Variants in AGPAT4 observed in about 807,000 individuals in gnomAD.
AGPAT4 encodes the protein 1-acyl-sn-glycerol-3-phosphate acyltransferase delta.
AGPAT4 carries 15 observed loss-of-function variants against 48.0 expected under a neutral mutation model. The ratio of observed to expected loss-of-function variants is 0.31; its 90% CI spans 0.21 to 0.48. The LOEUF (loss-of-function observed/expected upper bound fraction) is 0.48, where lower values mean the gene tolerates loss of function less well. Among genes scored for constraint, AGPAT4 ranks in the 20% least tolerant of loss-of-function variants. The pLI is 0.99. For synonymous variants in AGPAT4, 178 were observed against 198.7 expected (o/e 0.90, Z 0.88); for missense variants, 314 against 482.5 (o/e 0.65, Z 3.27).
rs1365329699 is a variant in AGPAT4 at position 161,149,246 on chromosome 6, T to TTCA, written c.705_707dup (p.Asn235_Glu236insAsp). 1 of 1,613,468 alleles carries TTCA rather than the reference T, an allele frequency of 6.2e-7. No individual in the cohort carries two copies. Among genetic ancestry groups the TTCA allele is most frequent in the Non-Finnish European group, 8.5e-7 (1 of 1,179,958 alleles). On this transcript the variant is annotated inframe_insertion, in exon 6 of 9. Transcript: ENST00000320285. This position sits in a 1 kb window ranked among gnomAD's most constrained non-coding sequence, Gnocchi z 6.5. Reference sequence around the variant, plus strand: ...TTAGGACTCCCAGCAGTGTTGGATTTTCATTATTTCTGAAATTGAGTGTAC... The same window carrying TTCA: ...TTAGGACTCCCAGCAGTGTTGGATTTTCATCATTATTTCTGAAATTGAGTGTAC...
intron 2 of AGPAT4, among the ~76,000 whole-genome samples, chr6:161,170,939 C>T (rs1780252278): frequency 6.6e-6 from 1 of 152,206 alleles, no homozygotes; most frequent in African/African-American, 2.4e-5. Context: ...TCGTTCTCTT[C>T]CCACAAGATT....
chr6:161,207,007 A>G (rs78879757), intron 2 of AGPAT4, among the ~76,000 whole-genome samples: 86 of 152,316 alleles, frequency 5.6e-4, no homozygotes, highest in African/African-American at 2.0e-3. Context: ...TAGTCCTTTC[A>G]GTTATCTAAT....
chr6:161,173,582 C>A (rs979473390), intron 2 of AGPAT4, among the ~76,000 whole-genome samples: 7 of 152,148 alleles, frequency 4.6e-5, no homozygotes, highest in Non-Finnish European at 7.3e-5. Flanking sequence ...ATTTTTCTCC[C>A]ATTCTGTAGG....
rs1305806534 is a variant in AGPAT4 at position 161,135,563 on chromosome 6, C to T, written c.*977G>A. 1 of 152,148 alleles carries T rather than the reference C, an allele frequency of 6.6e-6. No individual in the cohort carries two copies. The highest frequency in any genetic ancestry group is 2.4e-5 in the African/African-American group (1 of 41,424). 9.4% of individuals were successfully genotyped at this position (152,148 alleles called of 1,614,324 possible). A position where few individuals can be genotyped will look rare whatever the true frequency, so the allele number is the denominator to read the frequency against. On this transcript the variant is annotated 3_prime_UTR_variant, in exon 9 of 9. Transcript: ENST00000320285. ...TGACCCTCATCAGAGCAGGACCTGG[C>T]TCCTTTAGGGCTGCAGACAAGCTCT...
At chr6:161,194,704 T>C (rs1410379485) in intron 2 of AGPAT4, among the ~76,000 whole-genome samples, 1 of 152,132 alleles carries the variant, frequency 6.6e-6, no homozygotes, top group Non-Finnish European at 1.5e-5. Context: ...GTATTGTGTG[T>C]GCGTATGTAT....
At position 161,160,696 on chromosome 6, in the gene AGPAT4, C is replaced by T. The variant is rs184784484; in HGVS notation, c.348+5552G>A. On this transcript the variant is annotated intron_variant, in intron 3 of 8. Coordinates refer to ENST00000320285, the MANE Select transcript of AGPAT4 (RefSeq NM_020133.3). ...CTGCTTTGAGGGGTCACGGTCACGGCTGTCAGGACACAAAGATGGGAGAGG... is the reference window on the plus strand; with the variant it reads ...CTGCTTTGAGGGGTCACGGTCACGGTTGTCAGGACACAAAGATGGGAGAGG... 21 of 324,640 alleles carry T rather than the reference C, an allele frequency of 6.5e-5. No homozygotes were observed. In the East Asian group the frequency reaches 1.3e-3, roughly 20 times the overall value. The allele number at this position is 324,640 out of a possible 1,614,324, so 20.1% of individuals were successfully genotyped here. A position where few individuals can be genotyped will look rare whatever the true frequency, so the allele number is the denominator to read the frequency against.
rs554412657 is a variant in AGPAT4 at position 161,254,639 on chromosome 6, G to C, written c.-90+19299C>G. 3.9e-5 allele frequency among the ~76,000 whole-genome samples: 6 copies of C among 152,120 alleles called. No individual in the cohort carries two copies. Among genetic ancestry groups the C allele is most frequent in the Non-Finnish European group, 7.3e-5 (5 of 68,040 alleles). On this transcript the variant is annotated intron_variant, in intron 1 of 8. Transcript: ENST00000320285. The surrounding 1 kb of genome is among the most constrained non-coding windows in gnomAD (Gnocchi z 5.9). ...AAAATGCCTTCTTACAAACCCTCCA[G>C]CTTCCATTCCACTCAGTCCTTCTCA...
In AGPAT4 at chr6:161,272,631, T is replaced by C. The variant is rs950757256; in HGVS notation, c.-90+1307A>G. On this transcript the variant is annotated intron_variant, in intron 1 of 8. Coordinates refer to ENST00000320285, the MANE Select transcript of AGPAT4 (RefSeq NM_020133.3). The surrounding 1 kb of genome is among the most constrained non-coding windows in gnomAD (Gnocchi z 4.2). Reference sequence around the variant, plus strand: ...ACAGTTTTTCTCCCCATAGAGAATATTCAGAAGATGGAATCCTTTTAACGT... The same window carrying C: ...ACAGTTTTTCTCCCCATAGAGAATACTCAGAAGATGGAATCCTTTTAACGT... Among the ~76,000 whole-genome samples, 4 of 152,102 alleles carry C rather than the reference T, an allele frequency of 2.6e-5. No individual in the cohort carries two copies. Among genetic ancestry groups the C allele is most frequent in the African/African-American group, 9.7e-5 (4 of 41,398 alleles).
chr6:161,143,664 G>A lies in AGPAT4; in HGVS notation c.843+2860C>T, dbSNP rs1181812486. ...GTTTCTCAAAGCCTTCCAACAACAC[G>A]AGTCCCAAATGCTGACGAGCAAGAA... On this transcript the variant is annotated intron_variant, in intron 7 of 8. Transcript: ENST00000320285. The surrounding 1 kb of genome is among the most constrained non-coding windows in gnomAD (Gnocchi z 4.7). Among the ~76,000 whole-genome samples, 2 of 152,168 alleles carry A rather than the reference G, an allele frequency of 1.3e-5. No individual in the cohort carries two copies. The highest frequency in any genetic ancestry group is 2.4e-5 in the African/African-American group (1 of 41,428).
Position 161,200,587 on chromosome 6 carries a change from G to A in AGPAT4, c.178+31449C>T, listed in dbSNP as rs1256849198. ...GGTAGCGTAATCTCATTTTTTGATT[G>A]CTCAGGATTACTCTAGAAAGAATTA... On this transcript the variant is annotated intron_variant, in intron 2 of 8. Transcript: ENST00000320285. This position sits in a 1 kb window ranked among gnomAD's most constrained non-coding sequence, Gnocchi z 5.5. Among the ~76,000 whole-genome samples the A allele has an allele frequency of 2.6e-5, 4 of 152,096 alleles. No homozygotes were observed. The highest frequency in any genetic ancestry group is 1.3e-4 in the Admixed American group (2 of 15,280).
rs1782553978 is a variant in AGPAT4 at position 161,243,359 on chromosome 6, G to C, written c.-89-11057C>G. ...AGCCGGCACTAAAAACAAAAAGAGA[G>C]AGCTTTATTCAGCACCTAAACCACC... On this transcript the variant is annotated intron_variant, in intron 1 of 8. Transcript: ENST00000320285. This position sits in a 1 kb window ranked among gnomAD's most constrained non-coding sequence, Gnocchi z 4.8. 6.6e-6 allele frequency among the ~76,000 whole-genome samples: 1 copy of C among 152,092 alleles called. No homozygotes were observed. Among genetic ancestry groups the C allele is most frequent in the African/African-American group, 2.4e-5 (1 of 41,406 alleles).
At chr6:161,227,071 A>C (rs1288627858) in intron 2 of AGPAT4, among the ~76,000 whole-genome samples, 1 of 152,242 alleles carries the variant, frequency 6.6e-6, no homozygotes, top group Non-Finnish European at 1.5e-5. Flanking sequence ...GTCAGCTAGC[A>C]GTCACACACC....
chr6:161,186,090 C>T (rs189030299), intron 2 of AGPAT4, among the ~76,000 whole-genome samples: 31 of 152,276 alleles, frequency 2.0e-4, no homozygotes, highest in Admixed American at 1.5e-3. Flanking sequence ...TCATTGCCTA[C>T]TCTGGGCTGC....
rs574841833 is a variant in AGPAT4 at position 161,136,518 on chromosome 6, C to T, written c.*22G>A. The T allele has an allele frequency of 8.1e-6, 13 of 1,606,438 alleles. No individual in the cohort carries two copies. Among genetic ancestry groups the T allele is most frequent in the Middle Eastern group, 1.7e-4 (1 of 6,048 alleles). ...GCCACCAGTTCCCCAAGGTTCCCTT[C>T]GGATGGTGACACCTCCCTGAGTCAG... On this transcript the variant is annotated 3_prime_UTR_variant, in exon 9 of 9. Coordinates refer to ENST00000320285, the MANE Select transcript of AGPAT4 (RefSeq NM_020133.3).
rs1781721538 is a variant in AGPAT4 at position 161,218,618 on chromosome 6, C to T, written c.178+13418G>A. Among the ~76,000 whole-genome samples, 1 of 152,216 alleles carries T rather than the reference C, an allele frequency of 6.6e-6. No individual in the cohort carries two copies. Among genetic ancestry groups the T allele is most frequent in the Admixed American group, 6.5e-5 (1 of 15,282 alleles). Reference sequence around the variant, plus strand: ...TGTTACCATAACACCGGGGCAGGATCCTCCGCTCCACGGCCCTAGCACAGT... The same window carrying T: ...TGTTACCATAACACCGGGGCAGGATTCTCCGCTCCACGGCCCTAGCACAGT... On this transcript the variant is annotated intron_variant, in intron 2 of 8. Coordinates refer to ENST00000320285, the MANE Select transcript of AGPAT4 (RefSeq NM_020133.3). This position sits in a 1 kb window ranked among gnomAD's most constrained non-coding sequence, Gnocchi z 4.7.
Position 161,154,662 on chromosome 6 carries a change from C to T in AGPAT4, c.349-352G>A, listed in dbSNP as rs539866957. On this transcript the variant is annotated intron_variant, in intron 3 of 8. Transcript: ENST00000320285. This position sits in a 1 kb window ranked among gnomAD's most constrained non-coding sequence, Gnocchi z 7.8. ...GTTTCTAGGTTATCACCGTCACATA[C>T]TCGCTAAGCCCACCGTGCAGCTGTG... Among the ~76,000 whole-genome samples the T allele has an allele frequency of 1.3e-5, 2 of 152,346 alleles. No individual in the cohort carries two copies. The highest frequency in any genetic ancestry group is 4.8e-5 in the African/African-American group (2 of 41,580).
Position 161,138,736 on chromosome 6 carries a change from C to T in AGPAT4, c.1042+686G>A, listed in dbSNP as rs1779157548. 6.6e-6 allele frequency among the ~76,000 whole-genome samples: 1 copy of T among 152,156 alleles called. No homozygotes were observed. Among genetic ancestry groups the T allele is most frequent in the African/African-American group, 2.4e-5 (1 of 41,424 alleles). ...GGGCTCTCCAAAGCCTCAGAGGACGCCAGGCTTGGGGAGACAGGGCCTTTC... is the reference window on the plus strand; with the variant it reads ...GGGCTCTCCAAAGCCTCAGAGGACGTCAGGCTTGGGGAGACAGGGCCTTTC... On this transcript the variant is annotated intron_variant, in intron 8 of 8. Transcript: ENST00000320285. This position sits in a 1 kb window ranked among gnomAD's most constrained non-coding sequence, Gnocchi z 4.8.
chr6:161,219,946 G>GCAGGCAGGCAGACAGACAGA lies in AGPAT4; in HGVS notation c.178+12089_178+12090insTCTGTCTGTCTGCCTGCCTG. On this transcript the variant is annotated intron_variant, in intron 2 of 8. Transcript: ENST00000320285. The surrounding 1 kb of genome is among the most constrained non-coding windows in gnomAD (Gnocchi z 4.9). The stretch of plus-strand genomic sequence containing the variant: ...GGCAGGCAGGCAGGCAGGCAGGCAG[G>GCAGGCAGGCAGACAGACAGA]CAGACAGACAGACAGACAGACAGGC... Among the ~76,000 whole-genome samples the GCAGGCAGGCAGACAGACAGA allele has an allele frequency of 7.0e-6, 1 of 143,850 alleles. No homozygotes were observed. Among genetic ancestry groups the GCAGGCAGGCAGACAGACAGA allele is most frequent in the East Asian group, 2.1e-4 (1 of 4,744 alleles). The allele number at this position is 143,850 out of a possible 152,430, so 94.4% of individuals were successfully genotyped here. A position where few individuals can be genotyped will look rare whatever the true frequency, so the allele number is the denominator to read the frequency against.
In AGPAT4 at chr6:161,159,786, G is replaced by C. The variant is rs1029399959; in HGVS notation, c.349-5476C>G. Among the ~76,000 whole-genome samples, 26 of 151,840 alleles carry C rather than the reference G, an allele frequency of 1.7e-4. No homozygotes were observed. The highest frequency in any genetic ancestry group is 6.1e-4 in the African/African-American group (25 of 41,312). ...AGCCTCCGGAGTAGCTGGGATTACA[G>C]GCACCTGCCACCGTGCCTGGCTAAT... On this transcript the variant is annotated intron_variant, in intron 3 of 8. Coordinates refer to ENST00000320285, the MANE Select transcript of AGPAT4 (RefSeq NM_020133.3). This position sits in a 1 kb window ranked among gnomAD's most constrained non-coding sequence, Gnocchi z 4.1.
Sources: allele counts gnomAD v4.1 joint callset (sites outside exome capture counted in the v4.1 genomes callset), GRCh38; gene constraint gnomAD v4.1.1; non-coding constraint Gnocchi (gnomAD v3.1); transcripts MANE v1.5; gene names NCBI Gene and HGNC (gene_info 2026-07-23, HGNC 2026-07-21).